Variants in HDGFL2 observed in about 807,000 individuals in gnomAD.
HDGFL2 encodes HDGF like 2, also known as hepatoma-derived growth factor-related protein 2.
In HDGFL2, 36 loss-of-function variants were observed where a neutral mutation model predicts 77.1. The ratio of observed to expected loss-of-function variants is 0.47; its 90% CI spans 0.36 to 0.62. HDGFL2 has a LOEUF of 0.62. Ranked by LOEUF, HDGFL2 falls within the 20% of genes least tolerant of loss-of-function variation. The pLI, the probability that HDGFL2 is intolerant of heterozygous loss-of-function variation, is 0.00. For synonymous variants in HDGFL2, 463 were observed against 413.1 expected (o/e 1.12, Z -1.46); for missense variants, 976 against 973.4 (o/e 1.00, Z -0.04).
chr19:4,475,412 C>A, intron 2 of HDGFL2, 33 bp from the exon 3 acceptor site: 3 of 1,613,956 alleles, frequency 1.9e-6, no homozygotes, highest in Non-Finnish European at 2.5e-6. Flanking sequence ...TGGCCTCACT[C>A]ACCTGGGACT....
At position 4,494,400 on chromosome 19, in the gene HDGFL2, G is replaced by A; in HGVS notation, c.1149G>A (p.Lys383=). Residue 383 remains lysine (K), a synonymous_variant, in exon 9 of 16, where the codon AAG becomes AAA. Transcript: ENST00000616600. The part of the protein sequence containing the change: ...ELREDDEPVK[K]RGRKGRGRGP... ...GGGAGGACGATGAGCCCGTCAAGAA[G>A]CGGGGACGCAAGGGCCGGGGCCGGG... The A allele has an allele frequency of 7.1e-7, 1 of 1,405,102 alleles. No homozygotes were observed. The highest frequency in any genetic ancestry group is 1.6e-5 in the South Asian group (1 of 62,246). 87.0% of individuals were successfully genotyped at this position (1,405,102 alleles called of 1,614,324 possible). A position where few individuals can be genotyped will look rare whatever the true frequency, so the allele number is the denominator to read the frequency against.
At position 4,491,958 on chromosome 19, in the gene HDGFL2, C is replaced by T. The variant is rs141880796; in HGVS notation, c.678+123C>T. On this transcript the variant is annotated intron_variant, in intron 6 of 15. Transcript: ENST00000616600. Reference sequence around the variant, plus strand: ...GGTGGGACACGGACTGCAGGGTACCCGAGGGGACCGCCTCTGCCCTGAGCG... The same window carrying T: ...GGTGGGACACGGACTGCAGGGTACCTGAGGGGACCGCCTCTGCCCTGAGCG... The T allele has an allele frequency of 5.7e-5, 48 of 846,652 alleles. No homozygotes were observed. The Middle Eastern group carries it at 2.7e-3, about 48-fold the overall frequency. The allele number at this position is 846,652 out of a possible 1,614,324, so 52.4% of individuals were successfully genotyped here.
rs1405097803 is a variant in HDGFL2 at position 4,491,288 on chromosome 19, C to T, written c.490-278C>T. Among the ~76,000 whole-genome samples, 16 of 136,688 alleles carry T rather than the reference C, an allele frequency of 1.2e-4. No individual in the cohort carries two copies. In the South Asian group the frequency reaches 2.8e-3, roughly 24 times the overall value. 89.7% of individuals were successfully genotyped at this position (136,688 alleles called of 152,430 possible). ...CCCCCCACCCCCCCACCCCCCCCGG[C>T]GCAGCCCTGGTGCCCCTCATCCTAC... On this transcript the variant is annotated intron_variant, in intron 4 of 15. Transcript: ENST00000616600.
At chr19:4,475,373 T>C (rs374569730) in intron 2 of HDGFL2, 22 bp downstream of exon 2, 21 of 1,613,926 alleles carry the variant, frequency 1.3e-5, no homozygotes, top group Non-Finnish European at 1.8e-5. Context: ...CTTCTGGGGC[T>C]TGGTTTTCTC....
chr19:4,475,297 C>T lies in HDGFL2; in HGVS notation c.95C>T (p.Ala32Val). ...CAGATCGACGACATCGCGGATGGCG[C>T]CGTGAAGCCCCCACCCAACAAGTAC... ...PARIDDIADGAVKPPPNKYPI... is the reference protein window; with the variant it reads ...PARIDDIADGVVKPPPNKYPI... The change falls in exon 2 of 16, where the codon GCC becomes GTC. Residue 32 changes from alanine to valine, a missense_variant. This residue lies in a region of HDGFL2 where 103 missense variants were observed against 145.7 expected (regional missense o/e 0.71). Coordinates refer to ENST00000616600, the MANE Select transcript of HDGFL2 (RefSeq NM_001001520.3). 1.2e-6 allele frequency: 2 copies of T among 1,614,088 alleles called. No homozygotes were observed. Among genetic ancestry groups the T allele is most frequent in the African/African-American group, 1.3e-5 (1 of 75,024 alleles).
At chr19:4,477,768 A>G (rs763984100) in intron 3 of HDGFL2, among the ~76,000 whole-genome samples, 5 of 152,116 alleles carry the variant, frequency 3.3e-5, no homozygotes, top group African/African-American at 4.8e-5. Context: ...CTATGCTTCT[A>G]GATGGAACGT....
At chr19:4,487,943 TAAA>T (rs71340907) in intron 3 of HDGFL2, among the ~76,000 whole-genome samples, 1 of 142,754 alleles carries the variant, frequency 7.0e-6, no homozygotes, top group African/African-American at 2.6e-5. Flanking sequence ...TTGAATGACT[TAAA>T]AAAAAAAAAA....
rs766430549 is a variant in HDGFL2, at chr19:4,502,052, G to C, written c.*42G>C. On this transcript the variant is annotated 3_prime_UTR_variant, in exon 16 of 16. Coordinates refer to ENST00000616600, the MANE Select transcript of HDGFL2 (RefSeq NM_001001520.3). ...CCCAGCCCCCGCCCGAGCTCAGGCT[G>C]CCCCTCTCCTTCCCCGGCTCGCAGG... 5.8e-6 allele frequency: 8 copies of C among 1,379,650 alleles called. No homozygotes were observed. The highest frequency in any genetic ancestry group is 8.0e-6 in the Non-Finnish European group (8 of 1,003,778). 85.5% of individuals were successfully genotyped at this position (1,379,650 alleles called of 1,614,324 possible).
Position 4,494,272 on chromosome 19 carries a change from C to A in HDGFL2, c.1021C>A (p.Arg341Ser). 6.9e-7 allele frequency: 1 copy of A among 1,452,174 alleles called. No homozygotes were observed. The highest frequency in any genetic ancestry group is 9.0e-7 in the Non-Finnish European group (1 of 1,106,730). 90.0% of individuals were successfully genotyped at this position (1,452,174 alleles called of 1,614,324 possible). A position where few individuals can be genotyped will look rare whatever the true frequency, so the allele number is the denominator to read the frequency against. ...RRREQEEELR[R>S]LREQEKEEKE... ...GCGAGAGCAGGAGGAGGAGCTGCGG[C>A]GCCTGCGGGAGCAGGAGAAGGAGGA... is the stretch of plus-strand genomic sequence containing the variant. The change falls in exon 9 of 16, where the codon CGC (arginine) becomes AGC (serine). Residue 341 changes from arginine (R) to serine (S), a missense_variant. Arg to Ser is a moderately radical substitution (Grantham distance 110). This residue lies in a region of HDGFL2 where 567 missense variants were observed against 534.7 expected (regional missense o/e 1.06). Transcript: ENST00000616600.
intron 3 of HDGFL2, among the ~76,000 whole-genome samples, chr19:4,482,959 C>T (rs901517610): frequency 1.2e-4 from 18 of 152,116 alleles, no homozygotes; most frequent in Non-Finnish European, 1.8e-4. Flanking sequence ...CGGGGCTCCT[C>T]ATTCTCTGAG....
intron 3 of HDGFL2, among the ~76,000 whole-genome samples, chr19:4,483,037 C>T (rs1182504645): frequency 3.3e-5 from 5 of 152,206 alleles, no homozygotes; most frequent in African/African-American, 1.2e-4. Flanking sequence ...CCCAGGTACG[C>T]GAGCCCTTCC....
At chr19:4,498,773 C>A in intron 12 of HDGFL2, 41 bp from the exon 13 acceptor site, 2 of 1,435,124 alleles carry the variant, frequency 1.4e-6, no homozygotes, top group South Asian at 1.2e-5. Context: ...CTGGGGATCC[C>A]TTGGCCAGGC....
chr19:4,496,247 G>T, intron 9 of HDGFL2, 55 bp from the exon 10 acceptor site: 1 of 1,431,614 alleles, frequency 7.0e-7, no homozygotes, highest in Non-Finnish European at 9.9e-7. Flanking sequence ...TGGGCTAGGG[G>T]TCTGGGTAAT....
intron 6 of HDGFL2, among the ~76,000 whole-genome samples, chr19:4,493,096 GGT>G (rs1165731686): frequency 7.1e-5 from 3 of 42,186 alleles, no homozygotes; most frequent in Non-Finnish European, 1.4e-4. Flanking sequence ...TTATCTGTGT[GGT>G]GTGTGGTGTG....
intron 4 of HDGFL2, 107 bp from the exon 5 acceptor site, chr19:4,491,459 A>C: frequency 1.1e-6 from 1 of 883,404 alleles, no homozygotes; most frequent in Non-Finnish European, 1.8e-6. Flanking sequence ...GGCCCGCCAG[A>C]GAGGTTCCAG....
At position 4,491,685 on chromosome 19, in the gene HDGFL2, G is replaced by A. The variant is rs1975518220; in HGVS notation, c.606+3G>A. 2 of 1,613,842 alleles carry A rather than the reference G, an allele frequency of 1.2e-6. No homozygotes were observed. The highest frequency in any genetic ancestry group is 1.7e-5 in the Admixed American group (1 of 60,000). ...AGTCGGAGAAGACCAGCGACCAGGT[G>A]GGCCAGTGGCTCCTTGGGATGGCAG... is the stretch of plus-strand genomic sequence containing the variant. On this transcript the variant is annotated splice_donor_region_variant and intron_variant, in intron 5 of 15. Coordinates refer to ENST00000616600, the MANE Select transcript of HDGFL2 (RefSeq NM_001001520.3).
intron 14 of HDGFL2, among the ~76,000 whole-genome samples, chr19:4,500,700 A>G (rs573644230): frequency 1.3e-5 from 2 of 151,916 alleles, no homozygotes; most frequent in African/African-American, 4.8e-5. Flanking sequence ...GGACCTCATG[A>G]TCCGCCCTCC....
rs979016815 is a variant in HDGFL2 at position 4,502,108 on chromosome 19, G to A, written c.*98G>A. The A allele has an allele frequency of 6.9e-6, 6 of 869,214 alleles. No homozygotes were observed. Among genetic ancestry groups the A allele is most frequent in the Non-Finnish European group, 9.3e-6 (5 of 538,964 alleles). The allele number at this position is 869,214 out of a possible 1,614,324, so 53.8% of individuals were successfully genotyped here. ...AGAGCAGAGAACTGTGGGGAACGCT[G>A]TGCTGTTTGTATTTGTTCCCTTGGG... is the stretch of plus-strand genomic sequence containing the variant. On this transcript the variant is annotated 3_prime_UTR_variant, in exon 16 of 16. Coordinates refer to ENST00000616600, the MANE Select transcript of HDGFL2 (RefSeq NM_001001520.3).
At chr19:4,482,975 A>G (rs1030308725) in intron 3 of HDGFL2, among the ~76,000 whole-genome samples, 1 of 150,962 alleles carries the variant, frequency 6.6e-6, no homozygotes, top group Non-Finnish European at 1.5e-5. Context: ...CTGAGCTGCT[A>G]CTCCCCACCC....
Sources: gnomAD v4.1 joint callset for allele counts (sites outside exome capture counted in the v4.1 genomes callset) on GRCh38, gnomAD v4.1.1 for gene constraint, gnomAD v4.1.1 regional missense constraint, MANE v1.5 for transcripts, NCBI Gene and HGNC (gene_info 2026-07-23, HGNC 2026-07-21) for gene names.